TASP1: variants seen among roughly 807,000 people sequenced by gnomAD.
The protein encoded by TASP1 is taspase 1, also known as threonine aspartase 1.
A neutral mutation model predicts 56.6 loss-of-function variants in TASP1; 16 were observed. That is an observed-to-expected ratio of 0.28 (90% CI 0.19 to 0.43). The LOEUF is 0.43. TASP1 is among the 20% of genes least tolerant of loss of function. The pLI is 1.00. For synonymous variants in TASP1, 179 were observed against 184.2 expected, an observed-to-expected ratio of 0.97 and a Z score of 0.23; for missense variants, 393 against 511.6, an observed-to-expected ratio of 0.77 and a Z score of 2.24.
chr20:13,218,720 T>C, the TASP1 span, among the ~76,000 whole-genome samples: 1 of 152,232 alleles, frequency 6.6e-6, no homozygotes, highest in Non-Finnish European at 1.5e-5. Context: ...TAAGCCCGTG[T>C]TCCCTAACTC....
chr20:13,370,240 A>AG, the TASP1 span, among the ~76,000 whole-genome samples: 1 of 152,220 alleles, frequency 6.6e-6, no homozygotes, highest in Non-Finnish European at 1.5e-5. Context: ...TAAGATACAA[A>AG]GAAAAAACAC....
Position 13,558,990 on chromosome 20 carries a change from T to C in TASP1, c.675+18A>G, listed in dbSNP as rs1261452391. On this transcript the variant is annotated intron_variant, in intron 8 of 13. Coordinates refer to ENST00000337743, the MANE Select transcript of TASP1 (RefSeq NM_017714.3). ...ATCATCTGATACATTAATTTGAATATTTCAAACACCACCTGACCTTCTCAC... is the reference window on the plus strand; with the variant it reads ...ATCATCTGATACATTAATTTGAATACTTCAAACACCACCTGACCTTCTCAC... 6.7e-7 allele frequency: 1 copy of C among 1,490,684 alleles called. No homozygotes were observed. Among genetic ancestry groups the C allele is most frequent in the South Asian group, 1.3e-5 (1 of 78,550 alleles). The allele number at this position is 1,490,684 out of a possible 1,614,324, so 92.3% of individuals were successfully genotyped here. A position where few individuals can be genotyped will look rare whatever the true frequency, so the allele number is the denominator to read the frequency against.
chr20:13,225,001 A>T, the TASP1 span, among the ~76,000 whole-genome samples: 3 of 145,072 alleles, frequency 2.1e-5, no homozygotes, highest in East Asian at 2.0e-4. Flanking sequence ...GCCTGCCACC[A>T]CGCCCGGCTA....
chr20:13,464,958 T>C (rs956526578), intron 11 of TASP1, among the ~76,000 whole-genome samples: 2 of 151,768 alleles, frequency 1.3e-5, no homozygotes, highest in Non-Finnish European at 2.9e-5. Context: ...AGGCCAGGAA[T>C]TCAAGACCAG....
chr20:13,435,126 G>T lies in TASP1; in HGVS notation c.1014C>A (p.Gly338=). 4 of 1,607,542 alleles carry T rather than the reference G, an allele frequency of 2.5e-6. No individual in the cohort carries two copies. Among genetic ancestry groups the T allele is most frequent in the Non-Finnish European group, 3.4e-6 (4 of 1,176,838 alleles). ...ISSPFLASED[G]VLGGVIVLRS... ...GGAGGACAATCACTCCGCCAAGCACGCCATCTTCACTGGCAAGGAAAGGTG... is the reference window on the plus strand; with the variant it reads ...GGAGGACAATCACTCCGCCAAGCACTCCATCTTCACTGGCAAGGAAAGGTG... Residue 338 remains glycine, a synonymous_variant, in exon 12 of 14, where the codon GGC becomes GGA. Transcript: ENST00000337743.
At chr20:13,217,415 CAAAAT>C in the TASP1 span, among the ~76,000 whole-genome samples, 1 of 152,046 alleles carries the variant, frequency 6.6e-6, no homozygotes, top group Non-Finnish European at 1.5e-5. Context: ...CACTCTTTGG[CAAAAT>C]AAAATAAAAA....
intron 7 of TASP1, among the ~76,000 whole-genome samples, chr20:13,564,659 G>A (rs1056335909): frequency 2.6e-5 from 4 of 151,770 alleles, no homozygotes; most frequent in African/African-American, 9.7e-5. Context: ...AAAAAAGTTG[G>A]AAGTCTCACT....
the TASP1 span, among the ~76,000 whole-genome samples, chr20:13,370,584 T>A: frequency 6.6e-6 from 1 of 152,192 alleles, no homozygotes; most frequent in African/African-American, 2.4e-5. Flanking sequence ...ACATTTATAA[T>A]GTATTATGAG....
chr20:13,133,455 C>T, the TASP1 span, among the ~76,000 whole-genome samples: 1 of 152,062 alleles, frequency 6.6e-6, no homozygotes, highest in Non-Finnish European at 1.5e-5. Flanking sequence ...CATAACAGGT[C>T]GGGCATGGTG....
rs541220107 is a variant in TASP1, at chr20:13,425,115, AT to A, written c.1097-7595del. Among the ~76,000 whole-genome samples, 3 of 152,328 alleles carry A rather than the reference AT, an allele frequency of 2.0e-5. No homozygotes were observed. In the South Asian group the frequency reaches 6.2e-4, roughly 32 times the overall value. The stretch of plus-strand genomic sequence containing the variant: ...GCTTTCCAGAAAGTTGTATTTAAGA[AT>A]TTGGAACAAGTAAATTTATATGCCC... On this transcript the variant is annotated intron_variant, in intron 12 of 13. Coordinates refer to ENST00000337743, the MANE Select transcript of TASP1 (RefSeq NM_017714.3).
the TASP1 span, among the ~76,000 whole-genome samples, chr20:13,210,506 A>G: frequency 2.0e-5 from 3 of 152,078 alleles, no homozygotes; most frequent in Non-Finnish European, 4.4e-5. Context: ...TAATGGCCGT[A>G]TGGTTTCAGT....
chr20:13,183,977 C>T, the TASP1 span, among the ~76,000 whole-genome samples: 1 of 146,396 alleles, frequency 6.8e-6, no homozygotes, highest in Non-Finnish European at 1.5e-5. Flanking sequence ...TGCAGTGAGT[C>T]GAGATCACGC....
chr20:13,237,342 A>G, the TASP1 span, among the ~76,000 whole-genome samples: 16 of 152,348 alleles, frequency 1.1e-4, no homozygotes, highest in Admixed American at 4.6e-4. Flanking sequence ...AACAACCCCA[A>G]TGCCATCAAC....
At chr20:13,187,605 G>A in the TASP1 span, among the ~76,000 whole-genome samples, 1 of 151,658 alleles carries the variant, frequency 6.6e-6, no homozygotes, top group Non-Finnish European at 1.5e-5. Flanking sequence ...AAAATTAGCT[G>A]GGCGTGGTAG....
At chr20:13,631,096 C>T (rs941531010) in intron 1 of TASP1, among the ~76,000 whole-genome samples, 3 of 152,022 alleles carry the variant, frequency 2.0e-5, no homozygotes, top group Admixed American at 6.5e-5. Flanking sequence ...TTTTTGAAAG[C>T]TGGTCTTTTA....
At chr20:13,498,331 T>TTGTGTGTGTGTGTGTG (rs60099056) in intron 10 of TASP1, among the ~76,000 whole-genome samples, 2 of 135,010 alleles carry the variant, frequency 1.5e-5, no homozygotes, top group Non-Finnish European at 3.1e-5. Flanking sequence ...TTCTTTTCTT[T>TTGTGTGTGTGTGTGTG]TGTGTGTGTG....
intron 4 of TASP1, among the ~76,000 whole-genome samples, chr20:13,618,803 T>C (rs2048610315): frequency 6.6e-6 from 1 of 151,928 alleles, no homozygotes; most frequent in Non-Finnish European, 1.5e-5. Context: ...CAACAAAAGA[T>C]TTTTAACAAA....
intron 10 of TASP1, among the ~76,000 whole-genome samples, chr20:13,491,989 A>C (rs1340057008): frequency 6.6e-6 from 1 of 152,196 alleles, no homozygotes; most frequent in Non-Finnish European, 1.5e-5. Flanking sequence ...TTATCTGTGC[A>C]GACTTTTTGT....
the TASP1 span, among the ~76,000 whole-genome samples, chr20:13,242,165 AG>A: frequency 6.6e-6 from 1 of 152,164 alleles, no homozygotes; most frequent in Non-Finnish European, 1.5e-5. Context: ...GTAGAGGGAA[AG>A]GGTATGGGAG....
Sources: gnomAD v4.1 joint callset for allele counts (sites outside exome capture counted in the v4.1 genomes callset) on GRCh38, gnomAD v4.1.1 for gene constraint, MANE v1.5 for transcripts, NCBI Gene and HGNC (gene_info 2026-07-23, HGNC 2026-07-21) for gene names.